Variants in STRIP2 observed in about 807,000 individuals in gnomAD.
STRIP2 encodes the protein striatin interacting protein 2.
Under a neutral mutation model 107.1 loss-of-function variants are expected in STRIP2, and 84 were observed. The observed-to-expected ratio is 0.78, with a 90% CI of 0.66 to 0.94. The LOEUF (loss-of-function observed/expected upper bound fraction) is 0.94. Ranked by LOEUF, STRIP2 falls within the 40% of genes least tolerant of loss-of-function variation. The pLI is 0.00. For synonymous variants in STRIP2, 394 were observed against 400.4 expected, an observed-to-expected ratio of 0.98 and a Z score of 0.19; for missense variants, 888 against 1,034.2, an observed-to-expected ratio of 0.86 and a Z score of 1.94.
At chr7:129,450,099 A>G (rs1280957774) in intron 3 of STRIP2, among the ~76,000 whole-genome samples, 1 of 152,196 alleles carries the variant, frequency 6.6e-6, no homozygotes, top group Non-Finnish European at 1.5e-5. Context: ...AGTGTTCTCT[A>G]TACTATTAGA....
chr7:129,460,264 C>T (rs1798494030), intron 12 of STRIP2, 37 bp from the exon 13 acceptor site: 2 of 1,578,338 alleles, frequency 1.3e-6, no homozygotes, highest in Admixed American at 1.7e-5. Context: ...GTGAATGAGG[C>T]CCTCAGCCCT....
intron 1 of STRIP2, among the ~76,000 whole-genome samples, chr7:129,438,084 C>T (rs904804929): frequency 1.3e-5 from 2 of 152,184 alleles, no homozygotes; most frequent in South Asian, 2.1e-4. Context: ...GGATTACAGG[C>T]GTGAGCCACT....
At chr7:129,447,714 G>T (rs779272977) in intron 3 of STRIP2, among the ~76,000 whole-genome samples, 1 of 152,252 alleles carries the variant, frequency 6.6e-6, no homozygotes, top group Non-Finnish European at 1.5e-5. Flanking sequence ...GGAGAAAAAG[G>T]CACTTGCCAA....
chr7:129,459,656 T>C, intron 12 of STRIP2, 76 bp downstream of exon 12: 1 of 1,241,928 alleles, frequency 8.1e-7, no homozygotes, highest in Non-Finnish European at 1.2e-6. Flanking sequence ...TCCTGGATAC[T>C]GGGTGGGGCT....
At chr7:129,442,177 A>G (rs1797918468) in intron 2 of STRIP2, among the ~76,000 whole-genome samples, 1 of 152,172 alleles carries the variant, frequency 6.6e-6, no homozygotes, top group Non-Finnish European at 1.5e-5. Flanking sequence ...GTGAGCCAAG[A>G]TCACGCCACT....
intron 13 of STRIP2, 76 bp from the exon 14 acceptor site, chr7:129,462,890 C>T: frequency 2.6e-6 from 3 of 1,157,776 alleles, no homozygotes; most frequent in Non-Finnish European, 3.8e-6. Context: ...TTTCAGGTCA[C>T]CCCTCACAAC....
chr7:129,437,484 C>A (rs1392358111), intron 1 of STRIP2, among the ~76,000 whole-genome samples: 1 of 151,740 alleles, frequency 6.6e-6, no homozygotes, highest in Non-Finnish European at 1.5e-5. Context: ...CACTGCATCA[C>A]ATGCAGTAAA....
rs1205609818 is a variant in STRIP2, at chr7:129,486,537, T to C, written c.*708T>C. Reference sequence around the variant, plus strand: ...GCCATTTTTAAAGAGCCACAACCAATATGAAATAATTAGGTCCTCTCTAAG... The same window carrying C: ...GCCATTTTTAAAGAGCCACAACCAACATGAAATAATTAGGTCCTCTCTAAG... On this transcript the variant is annotated 3_prime_UTR_variant, in exon 21 of 21. Coordinates refer to ENST00000249344, the MANE Select transcript of STRIP2 (RefSeq NM_020704.3). 1 of 152,228 alleles carries C rather than the reference T, an allele frequency of 6.6e-6. No individual in the cohort carries two copies. The highest frequency in any genetic ancestry group is 2.4e-5 in the African/African-American group (1 of 41,458). 9.4% of individuals were successfully genotyped at this position (152,228 alleles called of 1,614,324 possible).
intron 3 of STRIP2, among the ~76,000 whole-genome samples, chr7:129,445,367 A>G (rs773752346): frequency 2.0e-4 from 31 of 152,056 alleles, no homozygotes; most frequent in South Asian, 4.2e-4. Context: ...GGCAATCTTA[A>G]CTTCCAGTTT....
At chr7:129,469,843 T>C (rs2151011177) in intron 17 of STRIP2, among the ~76,000 whole-genome samples, 1 of 152,350 alleles carries the variant, frequency 6.6e-6, no homozygotes, top group African/African-American at 2.4e-5. Flanking sequence ...CCTTTATCCA[T>C]TTCCAGCTGC....
chr7:129,454,330 G>T, intron 6 of STRIP2, 91 bp from the exon 7 acceptor site: 1 of 1,465,132 alleles, frequency 6.8e-7, no homozygotes, highest in South Asian at 1.1e-5. Context: ...ATCTCACTGG[G>T]TTGGGCTTCC....
intron 17 of STRIP2, 59 bp downstream of exon 17, chr7:129,467,509 C>T: frequency 1.6e-6 from 2 of 1,257,190 alleles, no homozygotes; most frequent in Non-Finnish European, 2.3e-6. Flanking sequence ...GAGAAAATTA[C>T]ATCATCTCGG....
intron 18 of STRIP2, chr7:129,478,044 T>C (rs1161319683): frequency 2.5e-5 from 10 of 398,744 alleles, no homozygotes; most frequent in Non-Finnish European, 5.0e-5. Flanking sequence ...CAGAAGAATA[T>C]TGGAATGGTG....
rs1226253233 is a variant in STRIP2 at position 129,480,805 on chromosome 7, G to T, written c.1965G>T (p.Gln655His). The T allele has an allele frequency of 3.7e-6, 6 of 1,613,736 alleles. No individual in the cohort carries two copies. The highest frequency in any genetic ancestry group is 5.1e-6 in the Non-Finnish European group (6 of 1,179,902). Residue 655 changes from glutamine (Q) to histidine (H), a missense_variant, in exon 19 of 21, where the codon CAG becomes CAT. Gln to His is a conservative substitution (Grantham distance 24). Coordinates refer to ENST00000249344, the MANE Select transcript of STRIP2 (RefSeq NM_020704.3). ...TESLEAGDNS[Q>H]FCWRNLFSCI... ...TATAGGAAGCTGGAGACAACAGCCA[G>T]TTCTGCTGGAGGAACCTCTTTTCCT...
At chr7:129,464,196 C>G (rs1798614279) in intron 15 of STRIP2, 55 bp downstream of exon 15, 11 of 1,309,184 alleles carry the variant, frequency 8.4e-6, no homozygotes, top group Non-Finnish European at 1.2e-5. Context: ...TCTGCAGGCT[C>G]TCTCTAGTCC....
At chr7:129,465,559 A>G (rs767776814) in intron 16 of STRIP2, among the ~76,000 whole-genome samples, 4 of 152,202 alleles carry the variant, frequency 2.6e-5, no homozygotes, top group Non-Finnish European at 2.9e-5. Context: ...CTGGGCACCT[A>G]TCCTGTGCCC....
intron 4 of STRIP2, among the ~76,000 whole-genome samples, chr7:129,452,456 G>T (rs1046147978): frequency 1.3e-5 from 2 of 152,192 alleles, no homozygotes; most frequent in African/African-American, 4.8e-5. Context: ...GTGAAGAGAA[G>T]ACTAGCAAAT....
Position 129,483,062 on chromosome 7 carries a change from G to A in STRIP2, c.2254+16G>A. 1 of 1,612,312 alleles carries A rather than the reference G, an allele frequency of 6.2e-7. No individual in the cohort carries two copies. Among genetic ancestry groups the A allele is most frequent in the African/African-American group, 1.3e-5 (1 of 74,976 alleles). ...TACGGGAATGGTGAGTCTTCCCAAA[G>A]CTCTTGACTTCCTGGAGTTTCCTGG... On this transcript the variant is annotated intron_variant, in intron 20 of 20. Coordinates refer to ENST00000249344, the MANE Select transcript of STRIP2 (RefSeq NM_020704.3). The surrounding 1 kb of genome is among the most constrained non-coding windows in gnomAD (Gnocchi z 5.1).
rs532635519 is a variant in STRIP2 at position 129,446,009 on chromosome 7, G to T, written c.274+1911G>T. ...AGCTGGCTGATCACCCTGAGGAATGGTGCCTTATCCAGGGCTCAGTGTTGG... is the reference window on the plus strand; with the variant it reads ...AGCTGGCTGATCACCCTGAGGAATGTTGCCTTATCCAGGGCTCAGTGTTGG... On this transcript the variant is annotated intron_variant, in intron 3 of 20. Coordinates refer to ENST00000249344, the MANE Select transcript of STRIP2 (RefSeq NM_020704.3). 2.2e-4 allele frequency among the ~76,000 whole-genome samples: 33 copies of T among 152,306 alleles called. No individual in the cohort carries two copies. In the South Asian group the frequency reaches 6.6e-3, roughly 31 times the overall value.
Sources: allele counts gnomAD v4.1 joint callset (sites outside exome capture counted in the v4.1 genomes callset), GRCh38; gene constraint gnomAD v4.1.1; non-coding constraint Gnocchi (gnomAD v3.1); transcripts MANE v1.5; gene names NCBI Gene and HGNC (gene_info 2026-07-23, HGNC 2026-07-21).